PIK3C2G: variants seen among roughly 807,000 people sequenced by gnomAD.
PIK3C2G encodes phosphatidylinositol 3-kinase C2 domain-containing subunit gamma.
PIK3C2G carries 168 observed loss-of-function variants against 181.1 expected under a neutral mutation model. The ratio of observed to expected loss-of-function variants is 0.93; its 90% CI spans 0.82 to 1.05. PIK3C2G has a LOEUF of 1.05. PIK3C2G is among the 50% of genes least tolerant of loss of function. PIK3C2G has a pLI of 0.00. For missense variants in PIK3C2G, 1,869 were observed against 1,732.8 expected (o/e 1.08, Z -1.40); for synonymous variants, 573 against 592.2 (o/e 0.97, Z 0.47).
At chr12:18,471,557 G>A (rs570284327) in intron 18 of PIK3C2G, among the ~76,000 whole-genome samples, 96 of 152,184 alleles carry the variant, frequency 6.3e-4, no homozygotes, top group African/African-American at 2.2e-3. Context: ...GCTTATGACA[G>A]TCTTATCTCT....
chr12:18,665,934 CA>C, the PIK3C2G span, among the ~76,000 whole-genome samples: 102 of 128,424 alleles, frequency 7.9e-4, no homozygotes, highest in Middle Eastern at 4.1e-3. Context: ...GACTCCATCT[CA>C]AAAAAAAAAA....
chr12:18,437,762 T>C (rs1315688497), intron 18 of PIK3C2G, among the ~76,000 whole-genome samples: 1 of 151,932 alleles, frequency 6.6e-6, no homozygotes, highest in East Asian at 1.9e-4. Context: ...ATAAATTGAT[T>C]GATGATGCTG....
At chr12:18,272,117 G>T (rs895917571) in intron 1 of PIK3C2G, among the ~76,000 whole-genome samples, 2 of 152,164 alleles carry the variant, frequency 1.3e-5, no homozygotes, top group African/African-American at 2.4e-5. Flanking sequence ...TTCCTAAATT[G>T]CATGGCTTTA....
intron 24 of PIK3C2G, among the ~76,000 whole-genome samples, chr12:18,509,003 C>T (rs1942033721): frequency 6.6e-6 from 1 of 151,982 alleles, no homozygotes; most frequent in South Asian, 2.1e-4. Flanking sequence ...ATTTGTATAA[C>T]TTTTTATGGT....
intron 1 of PIK3C2G, among the ~76,000 whole-genome samples, chr12:18,278,164 T>G (rs1264635517): frequency 6.6e-6 from 1 of 152,194 alleles, no homozygotes; most frequent in Non-Finnish European, 1.5e-5. Flanking sequence ...ATACATTTAT[T>G]ACGTTTCAGT....
chr12:18,503,641 AT>A (rs202195569), intron 23 of PIK3C2G, among the ~76,000 whole-genome samples: 1 of 151,622 alleles, frequency 6.6e-6, no homozygotes, highest in Non-Finnish European at 1.5e-5. Context: ...ATCAATAAAG[AT>A]TTTTTTTTGC....
chr12:18,485,649 G>T (rs1939953488), intron 18 of PIK3C2G, among the ~76,000 whole-genome samples: 2 of 152,098 alleles, frequency 1.3e-5, no homozygotes, highest in South Asian at 4.1e-4. Context: ...AGACATTAGG[G>T]TAAACAGGTC....
chr12:18,429,774 T>C (rs1464862601), intron 18 of PIK3C2G, among the ~76,000 whole-genome samples: 1 of 152,158 alleles, frequency 6.6e-6, no homozygotes, highest in Admixed American at 6.5e-5. Flanking sequence ...AATTCCATGG[T>C]ACTCAGGGAA....
rs116141945 is a variant in PIK3C2G at position 18,479,807 on chromosome 12, A to G, written c.2505-8642A>G. 3.6e-3 allele frequency among the ~76,000 whole-genome samples: 555 copies of G among 152,314 alleles called. 4 individuals carry two copies. Among genetic ancestry groups the G allele is most frequent in the African/African-American group, 0.013 (532 of 41,580 alleles). ...TGCAAGGAGCCCTGAGTTGTTGTCC[A>G]GAAAGCTGGGCTCTTGTCATAGGTC... On this transcript the variant is annotated intron_variant, in intron 18 of 32. Coordinates refer to ENST00000538779, the MANE Select transcript of PIK3C2G (RefSeq NM_001288772.2).
chr12:18,268,292 A>G (rs1591785025), intron 1 of PIK3C2G, among the ~76,000 whole-genome samples: 2 of 152,174 alleles, frequency 1.3e-5, no homozygotes, highest in East Asian at 3.8e-4. Flanking sequence ...TATTCAATTC[A>G]TAAAATATTT....
At chr12:18,435,153 C>T (rs1189277552) in intron 18 of PIK3C2G, among the ~76,000 whole-genome samples, 2 of 152,118 alleles carry the variant, frequency 1.3e-5, no homozygotes, top group African/African-American at 4.8e-5. Flanking sequence ...ATACACAATG[C>T]CCTAGTTTAC....
At chr12:18,641,550 C>T (rs929092900) in intron 32 of PIK3C2G, among the ~76,000 whole-genome samples, 1 of 151,956 alleles carries the variant, frequency 6.6e-6, no homozygotes, top group Admixed American at 6.6e-5. Context: ...TCTCTACCAC[C>T]TCTCTCATTT....
chr12:18,257,358 T>C (rs1948156040), upstream of PIK3C2G, among the ~76,000 whole-genome samples: 2 of 152,180 alleles, frequency 1.3e-5, no homozygotes, highest in Admixed American at 6.5e-5. Flanking sequence ...GAGAATAAAC[T>C]ACTTTTTGCA....
At chr12:18,608,517 T>G (rs1948170645) in intron 30 of PIK3C2G, among the ~76,000 whole-genome samples, 1 of 125,402 alleles carries the variant, frequency 8.0e-6, no homozygotes, top group Non-Finnish European at 1.6e-5. Flanking sequence ...TGAGAACACA[T>G]GGACACAGGA....
At chr12:18,271,985 C>T (rs1948764119) in intron 1 of PIK3C2G, among the ~76,000 whole-genome samples, 1 of 152,080 alleles carries the variant, frequency 6.6e-6, no homozygotes, top group Non-Finnish European at 1.5e-5. Context: ...CTAGAAATTT[C>T]CTAACATCCA....
chr12:18,654,799 G>T, the PIK3C2G span, among the ~76,000 whole-genome samples: 1 of 152,102 alleles, frequency 6.6e-6, no homozygotes, highest in Non-Finnish European at 1.5e-5. Context: ...AGGGATAAGT[G>T]ACAAACATCG....
the PIK3C2G span, among the ~76,000 whole-genome samples, chr12:18,708,796 C>T: frequency 1.4e-3 from 215 of 152,138 alleles, no homozygotes; most frequent in Non-Finnish European, 2.7e-3. Flanking sequence ...TACTTGTTGG[C>T]CATTTTTATG....
the PIK3C2G span, among the ~76,000 whole-genome samples, chr12:18,687,513 C>G: frequency 2.0e-5 from 3 of 152,218 alleles, no homozygotes; most frequent in Admixed American, 2.0e-4. Context: ...AATGCCAGTA[C>G]TATACTGTGT....
At chr12:18,716,998 G>A in the PIK3C2G span, among the ~76,000 whole-genome samples, 1 of 152,056 alleles carries the variant, frequency 6.6e-6, no homozygotes, top group Non-Finnish European at 1.5e-5. Flanking sequence ...AGAAATATGA[G>A]CACTAGAAAC....
Sources: allele counts gnomAD v4.1 joint callset (sites outside exome capture counted in the v4.1 genomes callset), GRCh38; gene constraint gnomAD v4.1.1; transcripts MANE v1.5; gene names NCBI Gene and HGNC (gene_info 2026-07-23, HGNC 2026-07-21).